LITAF: variants seen among roughly 807,000 people sequenced by gnomAD.
The protein encoded by LITAF is lipopolysaccharide-induced tumor necrosis factor-alpha factor.
Under a neutral mutation model 14.5 loss-of-function variants are expected in LITAF, and 9 were observed. That is an observed-to-expected ratio of 0.62 (90% CI 0.37 to 1.08). LITAF has a LOEUF of 1.08. LITAF is among the 50% of genes least tolerant of loss of function. The pLI, the probability that LITAF is intolerant of heterozygous loss-of-function variation, is 0.01. For missense variants in LITAF, 206 were observed against 213.4 expected, an observed-to-expected ratio of 0.97 and a Z score of 0.22; for synonymous variants, 98 against 88.2, an observed-to-expected ratio of 1.11 and a Z score of -0.62.
chr16:11,548,379 C>G lies in LITAF; in HGVS notation c.*1258G>C, dbSNP rs538755212. The G allele has an allele frequency of 2.4e-5, 11 of 453,884 alleles. No individual in the cohort carries two copies. Among genetic ancestry groups the G allele is most frequent in the Non-Finnish European group, 4.9e-5 (11 of 226,792 alleles). 28.1% of individuals were successfully genotyped at this position (453,884 alleles called of 1,614,324 possible). On this transcript the variant is annotated 3_prime_UTR_variant, in exon 4 of 4. Coordinates refer to ENST00000622633, the MANE Select transcript of LITAF (RefSeq NM_001136472.2). ...AAGCTGTGTCTCTGAAAACTAAAATCAGACTTTAGATTCCTCTGAAACAGT... is the reference window on the plus strand; with the variant it reads ...AAGCTGTGTCTCTGAAAACTAAAATGAGACTTTAGATTCCTCTGAAACAGT...
upstream of LITAF, among the ~76,000 whole-genome samples, chr16:11,601,749 G>A (rs896037014): frequency 3.3e-5 from 5 of 152,074 alleles, no homozygotes; most frequent in Admixed American, 2.0e-4. Flanking sequence ...TTGTAGAGAC[G>A]GGGTTTTACC....
intron 1 of LITAF, chr16:11,561,522 A>C (rs11074998): frequency 1 from 152,195 of 152,342 alleles, 76,027 homozygotes; most frequent in Middle Eastern, 1. Context: ...GAGACACTGC[A>C]TCTTCTGAGC....
chr16:11,627,736 C>T (rs1434494981), intron 3 of LITAF, among the ~76,000 whole-genome samples: 1 of 152,140 alleles, frequency 6.6e-6, no homozygotes, highest in African/African-American at 2.4e-5. Context: ...CCCAGCTACT[C>T]TGGAGGCTGA....
upstream of LITAF, among the ~76,000 whole-genome samples, chr16:11,598,685 G>A (rs2064908663): frequency 2.0e-5 from 3 of 152,088 alleles, no homozygotes; most frequent in East Asian, 1.9e-4. Context: ...GGTCTCTTTC[G>A]CAGCGGCCAC....
chr16:11,590,613 G>T (rs1301060954), upstream of LITAF, among the ~76,000 whole-genome samples: 3 of 117,970 alleles, frequency 2.5e-5, 1 homozygote, highest in Non-Finnish European at 5.1e-5. Flanking sequence ...ATCTAGATTG[G>T]TGTTTAATTG....
chr16:11,623,005 G>T (rs1280535050), intron 3 of LITAF, among the ~76,000 whole-genome samples: 1 of 149,870 alleles, frequency 6.7e-6, no homozygotes, highest in African/African-American at 2.5e-5. Flanking sequence ...TCGCTCTGTC[G>T]CCCAGGCTGG....
At chr16:11,562,432 C>T (rs1420886692) in intron 1 of LITAF, among the ~76,000 whole-genome samples, 2 of 151,790 alleles carry the variant, frequency 1.3e-5, no homozygotes, top group South Asian at 2.1e-4. Flanking sequence ...CAAATGTGAC[C>T]GGTGGTGACA....
chr16:11,607,350 AG>A (rs2064959977), intron 3 of LITAF, among the ~76,000 whole-genome samples: 1 of 152,208 alleles, frequency 6.6e-6, no homozygotes. Context: ...CCCCTGTATA[AG>A]GGCCTGTAGG....
intron 3 of LITAF, among the ~76,000 whole-genome samples, chr16:11,617,753 G>T (rs1261229337): frequency 6.6e-6 from 1 of 151,958 alleles, no homozygotes; most frequent in Non-Finnish European, 1.5e-5. Context: ...CAGGCATCTG[G>T]TATAACTGAG....
rs147811430 is a variant in LITAF, at chr16:11,626,502, C to G, written c.85+7031G>C. Among the ~76,000 whole-genome samples the G allele has an allele frequency of 3.9e-5, 6 of 152,354 alleles. No homozygotes were observed. The East Asian group carries it at 1.2e-3, about 29-fold the overall frequency. ...GGGACTACAGGCAGGCATCACCATG[C>G]CTGGTTAATTTTTGTATTTGTAGAG... On this transcript the variant is annotated intron_variant, in intron 3 of 3. Coordinates refer to the LITAF transcript ENST00000574848.
At chr16:11,595,750 C>CA (rs1432172815) in intron 1 of LITAF, among the ~76,000 whole-genome samples, 3 of 152,010 alleles carry the variant, frequency 2.0e-5, no homozygotes, top group East Asian at 3.9e-4. Flanking sequence ...CAAAACAAAA[C>CA]AAAAAAACAG....
intron 3 of LITAF, among the ~76,000 whole-genome samples, chr16:11,614,131 G>C (rs1440363267): frequency 6.6e-6 from 1 of 151,988 alleles, no homozygotes; most frequent in Non-Finnish European, 1.5e-5. Context: ...TCCCTCCTAC[G>C]GATGCTGTGA....
At chr16:11,559,728 CTTACACCTGTCA>C (rs1597336101) in intron 1 of LITAF, among the ~76,000 whole-genome samples, 2 of 151,068 alleles carry the variant, frequency 1.3e-5, no homozygotes, top group African/African-American at 4.9e-5. Context: ...GGCATGGTGG[CTTACACCTGTCA>C]TCCCAGCACT....
At chr16:11,573,966 T>A (rs200073594) in intron 1 of LITAF, among the ~76,000 whole-genome samples, 1 of 151,580 alleles carries the variant, frequency 6.6e-6, no homozygotes, top group Admixed American at 6.6e-5. Flanking sequence ...GCTCCCAAAG[T>A]GCTGGGATTA....
intron 1 of LITAF, among the ~76,000 whole-genome samples, chr16:11,594,926 T>TA (rs201108374): frequency 0.016 from 1,734 of 109,658 alleles, 27 homozygotes; most frequent in African/African-American, 0.049. Context: ...AAAATAAAAA[T>TA]AAAATAAAGG....
At chr16:11,631,315 G>C (rs554866227) in intron 3 of LITAF, among the ~76,000 whole-genome samples, 2 of 152,308 alleles carry the variant, frequency 1.3e-5, no homozygotes, top group South Asian at 4.1e-4. Context: ...GGAGGATCTA[G>C]GGAGGGTCCT....
chr16:11,581,189 C>A (rs530129608), intron 1 of LITAF, among the ~76,000 whole-genome samples: 1 of 152,292 alleles, frequency 6.6e-6, no homozygotes, highest in East Asian at 1.9e-4. Context: ...TATTTTCATC[C>A]GTTAATCTAT....
chr16:11,586,947 A>T (rs1396561638), upstream of LITAF: 1 of 149,512 alleles, frequency 6.7e-6, no homozygotes, highest in South Asian at 2.1e-4. The surrounding 1 kb of genome is among the most constrained non-coding windows in gnomAD (Gnocchi z 6.5). Flanking sequence ...GCCCCGAGAA[A>T]AGGGCCGGGC....
At chr16:11,601,720 C>T (rs537044340), upstream of LITAF, among the ~76,000 whole-genome samples, 2 of 152,032 alleles carry the variant, frequency 1.3e-5, no homozygotes, top group Non-Finnish European at 2.9e-5. Flanking sequence ...TACAGGCACC[C>T]GGCTAATTTT....
Sources: gnomAD v4.1 joint callset for allele counts (sites outside exome capture counted in the v4.1 genomes callset) on GRCh38, gnomAD v4.1.1 for gene constraint, Gnocchi (gnomAD v3.1) non-coding constraint, MANE v1.5 for transcripts, NCBI Gene and HGNC (gene_info 2026-07-23, HGNC 2026-07-21) for gene names.